The following ARSG variants were observed in gnomAD, a reference collection of about 807,000 sequenced individuals.
ARSG encodes the protein arylsulfatase G, also known as ASG.
In ARSG, 37 loss-of-function variants were observed where a neutral mutation model predicts 50.5. That is an observed-to-expected ratio of 0.73 (90% CI 0.56 to 0.96). The LOEUF (loss-of-function observed/expected upper bound fraction) is 0.96. ARSG is among the 50% of genes least tolerant of loss of function. The pLI, the probability that ARSG is intolerant of heterozygous loss-of-function variation, is 0.00. For missense variants in ARSG, 629 were observed against 675.3 expected, an observed-to-expected ratio of 0.93 and a Z score of 0.76; for synonymous variants, 225 against 254.6, an observed-to-expected ratio of 0.88 and a Z score of 1.11.
intron 9 of ARSG, among the ~76,000 whole-genome samples, chr17:68,390,643 G>A (rs2147092336): frequency 6.6e-6 from 1 of 151,998 alleles, no homozygotes; most frequent in East Asian, 1.9e-4. Context: ...TTTTTTTTAA[G>A]ATGGAATTTC....
At chr17:68,427,484 G>A (rs897081963), downstream of ARSG, 2 of 326,654 alleles carry the variant, frequency 6.1e-6, no homozygotes, top group Non-Finnish European at 1.1e-5. Context: ...AGCCTCCCGA[G>A]TAGCTGCGAC....
intron 1 of ARSG, among the ~76,000 whole-genome samples, chr17:68,292,880 A>G (rs2076066789): frequency 6.6e-6 from 1 of 152,200 alleles, no homozygotes; most frequent in Non-Finnish European, 1.5e-5. Flanking sequence ...TTGTAGGCGT[A>G]ATTTAACCTC....
At chr17:68,313,669 ATCTC>A (rs1404763525) in intron 2 of ARSG, among the ~76,000 whole-genome samples, 1 of 135,200 alleles carries the variant, frequency 7.4e-6, no homozygotes, top group East Asian at 2.1e-4. Flanking sequence ...TGTATTACGT[ATCTC>A]TCTCTCTCTC....
intron 2 of ARSG, among the ~76,000 whole-genome samples, chr17:68,325,538 G>A (rs1272027109): frequency 2.6e-5 from 4 of 152,120 alleles, no homozygotes; most frequent in Non-Finnish European, 5.9e-5. Flanking sequence ...CTGGTCCCTG[G>A]TACCAGGAAG....
intron 6 of ARSG, among the ~76,000 whole-genome samples, chr17:68,358,818 A>G (rs2079151610): frequency 6.6e-6 from 1 of 151,828 alleles, no homozygotes; most frequent in Non-Finnish European, 1.5e-5. Context: ...AGTGAGCCAT[A>G]ATGGTGCCAC....
intron 2 of ARSG, among the ~76,000 whole-genome samples, chr17:68,310,963 G>C (rs567279049): frequency 1.7e-4 from 26 of 152,294 alleles, no homozygotes; most frequent in African/African-American, 6.0e-4. Context: ...CACTTTAGGA[G>C]GCCAAGGTGG....
intron 3 of ARSG, 29 bp from the exon 4 acceptor site, chr17:68,347,096 C>T (rs1227608062): frequency 6.2e-7 from 1 of 1,612,934 alleles, no homozygotes; most frequent in Non-Finnish European, 8.5e-7. Context: ...GGGGATTCCT[C>T]TGAAAATCTC....
intron 1 of ARSG, among the ~76,000 whole-genome samples, chr17:68,304,828 C>G (rs936311257): frequency 1.3e-5 from 2 of 152,194 alleles, no homozygotes; most frequent in South Asian, 4.1e-4. Flanking sequence ...CAATGCCCAG[C>G]CAACTGAAAT....
intron 4 of ARSG, among the ~76,000 whole-genome samples, chr17:68,348,269 C>A (rs1432042427): frequency 6.6e-6 from 1 of 152,158 alleles, no homozygotes; most frequent in Non-Finnish European, 1.5e-5. Context: ...CCTTGGTCTT[C>A]AGTTTTCTCA....
At chr17:68,279,825 T>G (rs2075635189) in intron 1 of ARSG, among the ~76,000 whole-genome samples, 1 of 152,210 alleles carries the variant, frequency 6.6e-6, no homozygotes, top group Non-Finnish European at 1.5e-5. Flanking sequence ...AAATTAATGA[T>G]ATCTATAATA....
At chr17:68,283,711 C>T (rs1555753585) in intron 1 of ARSG, among the ~76,000 whole-genome samples, 1 of 147,756 alleles carries the variant, frequency 6.8e-6, no homozygotes, top group Non-Finnish European at 1.5e-5. Context: ...CCTGTCTCTA[C>T]TAAAAAAAAA....
intron 4 of ARSG, among the ~76,000 whole-genome samples, chr17:68,347,776 C>T (rs376314850): frequency 6.6e-5 from 10 of 152,284 alleles, no homozygotes; most frequent in East Asian, 3.9e-4. Context: ...TATAGGAAGC[C>T]GTGGACTTTC....
At chr17:68,393,157 C>T (rs115574774) in intron 9 of ARSG, among the ~76,000 whole-genome samples, 1,847 of 152,338 alleles carry the variant, frequency 0.012, 45 homozygotes, top group African/African-American at 0.043. Context: ...GGCACCAATA[C>T]AGCAGTCCTC....
intron 10 of ARSG, among the ~76,000 whole-genome samples, chr17:68,397,869 C>A (rs1008828378): frequency 6.6e-6 from 1 of 152,116 alleles, no homozygotes; most frequent in African/African-American, 2.4e-5. Context: ...TGGGTTCAAG[C>A]GATTCTCCTG....
chr17:68,368,445 A>G (rs2079654708), intron 6 of ARSG, 103 bp from the exon 7 acceptor site: 1 of 1,071,174 alleles, frequency 9.3e-7, no homozygotes, highest in Non-Finnish European at 1.4e-6. Context: ...CGTGGGGCAG[A>G]AGGAGCTTTG....
intron 1 of ARSG, among the ~76,000 whole-genome samples, chr17:68,275,797 T>C (rs868982231): frequency 1.8e-4 from 27 of 151,992 alleles, no homozygotes; most frequent in South Asian, 2.1e-4. Flanking sequence ...CTGGCCAACA[T>C]AGCAAAACCC....
chr17:68,306,502 G>A (rs1002713864), intron 1 of ARSG, among the ~76,000 whole-genome samples: 21 of 152,214 alleles, frequency 1.4e-4, no homozygotes, highest in Non-Finnish European at 7.3e-5. Context: ...ACTGGCCTAG[G>A]CAACGTAGCA....
At chr17:68,330,543 G>A (rs2146004136) in intron 2 of ARSG, among the ~76,000 whole-genome samples, 1 of 152,306 alleles carries the variant, frequency 6.6e-6, no homozygotes, top group South Asian at 2.1e-4. Flanking sequence ...GAGGCAGGAG[G>A]GAATGAGAGA....
rs1555747476 is a variant in ARSG, at chr17:68,269,048, C to G, written c.-552+9622C>G. The G allele has an allele frequency of 1.9e-6, 3 of 1,590,892 alleles. No homozygotes were observed. In the East Asian group the frequency reaches 6.8e-5, roughly 36 times the overall value. On this transcript the variant is annotated intron_variant, in intron 1 of 11. Transcript: ENST00000448504. ...CTCCTTGTGTCCCCGTTGGGCCCACCCCATCCCTCTCCAGCCAACACAGTG... is the reference window on the plus strand; with the variant it reads ...CTCCTTGTGTCCCCGTTGGGCCCACGCCATCCCTCTCCAGCCAACACAGTG...
Sources: allele counts gnomAD v4.1 joint callset (sites outside exome capture counted in the v4.1 genomes callset), GRCh38; gene constraint gnomAD v4.1.1; transcripts MANE v1.5; gene names NCBI Gene and HGNC (gene_info 2026-07-23, HGNC 2026-07-21).